Variants in ADAMTS17 observed in about 807,000 individuals in gnomAD.
ADAMTS17 encodes the protein ADAM metallopeptidase with thrombospondin type 1 motif 17.
Under a neutral mutation model 141.5 loss-of-function variants are expected in ADAMTS17, and 113 were observed. The observed-to-expected ratio is 0.80, with a 90% CI of 0.69 to 0.93. The LOEUF is 0.93. Among genes scored for constraint, ADAMTS17 ranks in the 40% least tolerant of loss-of-function variants. ADAMTS17 has a pLI of 0.00. For synonymous variants in ADAMTS17, 768 were observed against 630.6 expected, an observed-to-expected ratio of 1.22 and a Z score of -3.27; for missense variants, 1,659 against 1,517.9, an observed-to-expected ratio of 1.09 and a Z score of -1.54.
rs987342171 is a variant in ADAMTS17 at position 100,338,631 on chromosome 15, G to A, written c.450+2408C>T. On this transcript the variant is annotated intron_variant, in intron 2 of 21. Coordinates refer to ENST00000268070, the MANE Select transcript of ADAMTS17 (RefSeq NM_139057.4). ...GGTCCTTAAGAGAAGAAGTTTGCCC[G>A]ACTCTTGCTCATTTTTAGATACAAG... Among the ~76,000 whole-genome samples the A allele has an allele frequency of 1.1e-3, 5 of 4,466 alleles. No individual in the cohort carries two copies. The Non-Finnish European group carries it at 0.026, about 23-fold the overall frequency. The allele number at this position is 4,466 out of a possible 152,430, so 2.9% of individuals were successfully genotyped here.
intron 10 of ADAMTS17, 112 bp downstream of exon 10, chr15:100,152,500 G>C: frequency 5.0e-6 from 7 of 1,401,050 alleles, no homozygotes; most frequent in Non-Finnish European, 7.0e-6. Context: ...GCTTGTGTGT[G>C]TATGTGCCTG....
intron 8 of ADAMTS17, 98 bp from the exon 9 acceptor site, chr15:100,155,418 A>G (rs1596126942): frequency 6.5e-7 from 1 of 1,528,452 alleles, no homozygotes; most frequent in Non-Finnish European, 8.9e-7. Flanking sequence ...CAAGTCTTAA[A>G]AACAAAAACG....
chr15:100,301,844 A>C (rs911910811), intron 3 of ADAMTS17, among the ~76,000 whole-genome samples: 1 of 152,192 alleles, frequency 6.6e-6, no homozygotes, highest in Non-Finnish European at 1.5e-5. Flanking sequence ...AACATTTCAT[A>C]AACTTGAGAT....
chr15:100,161,576 G>T (rs2039695288), intron 8 of ADAMTS17, among the ~76,000 whole-genome samples: 1 of 152,150 alleles, frequency 6.6e-6, no homozygotes, highest in African/African-American at 2.4e-5. Context: ...AATGGCCCAT[G>T]GCAGTTTCTA....
intron 20 of ADAMTS17, among the ~76,000 whole-genome samples, chr15:99,992,645 C>T (rs749133515): frequency 6.6e-6 from 1 of 152,196 alleles, no homozygotes; most frequent in African/African-American, 2.4e-5. Context: ...CATCTCCAGG[C>T]CCTTGCCCAG....
At chr15:100,160,889 T>G (rs530774612) in intron 8 of ADAMTS17, among the ~76,000 whole-genome samples, 3 of 152,254 alleles carry the variant, frequency 2.0e-5, no homozygotes, top group Non-Finnish European at 4.4e-5. Flanking sequence ...TGACATCAAC[T>G]ACTGTCTAGG....
intron 7 of ADAMTS17, among the ~76,000 whole-genome samples, chr15:100,248,045 C>A (rs2043039727): frequency 6.6e-6 from 1 of 152,030 alleles, no homozygotes; most frequent in Admixed American, 6.6e-5. Flanking sequence ...TCAGGGAAAG[C>A]CATGGGACCC....
intron 7 of ADAMTS17, among the ~76,000 whole-genome samples, chr15:100,215,451 G>C (rs1296041033): frequency 2.6e-5 from 4 of 152,186 alleles, no homozygotes; most frequent in Non-Finnish European, 5.9e-5. Context: ...CTTGATTTCA[G>C]TATGACCGAT....
intron 4 of ADAMTS17, among the ~76,000 whole-genome samples, chr15:100,269,092 C>T (rs2043816997): frequency 6.6e-6 from 1 of 152,194 alleles, no homozygotes; most frequent in Non-Finnish European, 1.5e-5. Context: ...AAGAATGAAA[C>T]TGGACCCCTA....
chr15:100,131,477 G>A (rs2038041896), intron 12 of ADAMTS17, among the ~76,000 whole-genome samples: 2 of 151,864 alleles, frequency 1.3e-5, no homozygotes, highest in Non-Finnish European at 2.9e-5. Context: ...TGGAACAAAT[G>A]TACAAAGGTG....
intron 20 of ADAMTS17, among the ~76,000 whole-genome samples, chr15:99,991,333 A>G (rs2060685753): frequency 6.6e-6 from 1 of 152,158 alleles, no homozygotes; most frequent in South Asian, 2.1e-4. Context: ...AGAAAAAACC[A>G]AACAACCCCA....
At chr15:100,080,495 C>G (rs897401439) in intron 15 of ADAMTS17, among the ~76,000 whole-genome samples, 1 of 152,120 alleles carries the variant, frequency 6.6e-6, no homozygotes, top group East Asian at 1.9e-4. Flanking sequence ...CCAATCCAGG[C>G]AGGACTACAA....
chr15:100,180,794 C>A (rs2040497391), intron 8 of ADAMTS17, among the ~76,000 whole-genome samples: 1 of 152,128 alleles, frequency 6.6e-6, no homozygotes, highest in Non-Finnish European at 1.5e-5. Context: ...TGGGATTACC[C>A]AAGGCCTGCT....
In ADAMTS17 at chr15:100,338,781, A is replaced by C. The variant is rs185922539; in HGVS notation, c.450+2258T>G. On this transcript the variant is annotated intron_variant, in intron 2 of 21. Transcript: ENST00000268070. ...CACACACAACTCCACATCTCCACTC[A>C]CAGAGCTTCTACCACAGTACCACAG... Among the ~76,000 whole-genome samples, 535 of 152,198 alleles carry C rather than the reference A, an allele frequency of 3.5e-3. 3 individuals carry two copies. Among genetic ancestry groups the C allele is most frequent in the African/African-American group, 0.012 (510 of 41,506 alleles).
intron 10 of ADAMTS17, among the ~76,000 whole-genome samples, chr15:100,145,788 T>C (rs1346756030): frequency 6.6e-6 from 1 of 152,270 alleles, no homozygotes. Context: ...TTTTCTTTCT[T>C]GGCATATTAG....
At chr15:100,074,704 G>A (rs904700280) in intron 15 of ADAMTS17, among the ~76,000 whole-genome samples, 4 of 151,854 alleles carry the variant, frequency 2.6e-5, no homozygotes, top group Non-Finnish European at 5.9e-5. Context: ...TGTTGGATTC[G>A]GTTTTGGTAT....
chr15:100,174,121 G>A (rs1169088569), intron 8 of ADAMTS17, among the ~76,000 whole-genome samples: 4 of 152,266 alleles, frequency 2.6e-5, no homozygotes, highest in African/African-American at 9.6e-5. Flanking sequence ...CAAAGTCCAG[G>A]GAGAAGCCGA....
At position 100,123,722 on chromosome 15, in the gene ADAMTS17, C is replaced by A. The variant is rs186632975; in HGVS notation, c.1722-6709G>T. 4.6e-5 allele frequency among the ~76,000 whole-genome samples: 7 copies of A among 152,330 alleles called. No individual in the cohort carries two copies. In the East Asian group the frequency reaches 7.7e-4, roughly 17 times the overall value. On this transcript the variant is annotated intron_variant, in intron 12 of 21. Coordinates refer to ENST00000268070, the MANE Select transcript of ADAMTS17 (RefSeq NM_139057.4). ...TGCACCCTTTGGGTGAGGAAATCAACGCTCCAACAGGTGACATAACCGCTT... is the reference window on the plus strand; with the variant it reads ...TGCACCCTTTGGGTGAGGAAATCAAAGCTCCAACAGGTGACATAACCGCTT...
chr15:100,288,531 C>G (rs961786996), intron 3 of ADAMTS17, among the ~76,000 whole-genome samples: 1 of 152,170 alleles, frequency 6.6e-6, no homozygotes, highest in Non-Finnish European at 1.5e-5. Flanking sequence ...CAGACAACTA[C>G]AAAACTCTCC....
Sources: gnomAD v4.1 joint callset for allele counts (sites outside exome capture counted in the v4.1 genomes callset) on GRCh38, gnomAD v4.1.1 for gene constraint, MANE v1.5 for transcripts, NCBI Gene and HGNC (gene_info 2026-07-23, HGNC 2026-07-21) for gene names.